ETFB: variants seen among roughly 807,000 people sequenced by gnomAD.
ETFB encodes the protein beta-ETF.
A neutral mutation model predicts 25.6 loss-of-function variants in ETFB; 20 were observed. That is an observed-to-expected ratio of 0.78 (90% CI 0.55 to 1.14). The LOEUF is 1.14. Ranked by LOEUF, ETFB falls within the 50% of genes most tolerant of loss-of-function variation. The probability of loss-of-function intolerance (pLI) is 0.00; values close to 1 mark genes in which losing one functional copy is unlikely to be tolerated. For synonymous variants in ETFB, 142 were observed against 146.7 expected, an observed-to-expected ratio of 0.97 and a Z score of 0.23; for missense variants, 286 against 342.6, an observed-to-expected ratio of 0.83 and a Z score of 1.30.
intron 3 of ETFB, among the ~76,000 whole-genome samples, chr19:51,352,072 T>C (rs1004624949): frequency 6.6e-6 from 1 of 151,960 alleles, no homozygotes. Context: ...GAGGGTCTCC[T>C]GGGGGAACAG....
At chr19:51,346,818 C>T (rs754178562) in intron 5 of ETFB, 82 bp downstream of exon 5, 52 of 1,381,116 alleles carry the variant, frequency 3.8e-5, no homozygotes, top group Non-Finnish European at 5.0e-5. Context: ...CTTCCCTCCC[C>T]ACGTGCGACC....
intron 1 of ETFB, among the ~76,000 whole-genome samples, chr19:51,358,081 A>G (rs1986127058): frequency 6.6e-6 from 1 of 152,234 alleles, no homozygotes; most frequent in East Asian, 1.9e-4. Flanking sequence ...AAAAGCCTCC[A>G]GGGACATCCA....
chr19:51,361,536 T>A (rs1251270341), intron 1 of ETFB, among the ~76,000 whole-genome samples: 2 of 152,086 alleles, frequency 1.3e-5, no homozygotes, highest in African/African-American at 4.8e-5. Context: ...GAGGAAAACC[T>A]GAAGAAACAC....
chr19:51,359,837 T>A (rs1215592234), intron 1 of ETFB, among the ~76,000 whole-genome samples: 2 of 151,576 alleles, frequency 1.3e-5, no homozygotes, highest in Non-Finnish European at 2.9e-5. Context: ...CTGGGCAACA[T>A]AGAGAGACTT....
chr19:51,345,412 T>A (rs1223549031), intron 5 of ETFB, 31 bp from the exon 6 acceptor site: 1 of 1,611,870 alleles, frequency 6.2e-7, no homozygotes, highest in Non-Finnish European at 8.5e-7. Context: ...TTCACAGGGC[T>A]GTGGAACTCC....
chr19:51,354,568 G>C (rs769799163), intron 1 of ETFB: 1 of 1,614,180 alleles, frequency 6.2e-7, no homozygotes, highest in Non-Finnish European at 8.5e-7. Flanking sequence ...TGTTGTCACT[G>C]CTCCTCTCAG....
chr19:51,345,271 G>T lies in ETFB; in HGVS notation c.708C>A (p.Gly236=), dbSNP rs749837573. 6.2e-7 allele frequency: 1 copy of T among 1,614,138 alleles called. No homozygotes were observed. Among genetic ancestry groups the T allele is most frequent in the African/African-American group, 1.3e-5 (1 of 75,028 alleles). ...SVEDPPQRTA[G]VKVETTEDLV... is the part of the protein sequence containing the mutation. ...GGTCCTCAGTGGTCTCCACCTTGAC[G>T]CCGGCCGTGCGCTGGGGCGGGTCCT... Residue 236 remains glycine, a synonymous_variant, in exon 6 of 6, where the codon GGC becomes GGA. Coordinates refer to ENST00000309244, the MANE Select transcript of ETFB (RefSeq NM_001985.3).
intron 4 of ETFB, 163 bp downstream of exon 4, chr19:51,350,166 C>A (rs760059591): frequency 1.3e-6 from 1 of 743,830 alleles, no homozygotes. Flanking sequence ...AGAGGTGATA[C>A]CTCAGCAGAG....
intron 5 of ETFB, 87 bp downstream of exon 5, chr19:51,346,813 C>A: frequency 7.4e-7 from 1 of 1,347,722 alleles, no homozygotes; most frequent in South Asian, 1.3e-5. Context: ...GGATCCTTCC[C>A]TCCCCACGTG....
At chr19:51,346,131 G>A (rs1985774342) in intron 5 of ETFB, 1 of 128,478 alleles carries the variant, frequency 7.8e-6, no homozygotes, top group Non-Finnish European at 1.7e-5. Context: ...CCTATAGGTT[G>A]AGATGATGCG....
chr19:51,362,162 TACACACAC>T (rs59581815), intron 1 of ETFB, among the ~76,000 whole-genome samples: 54,749 of 144,286 alleles, frequency 0.38, 11,525 homozygotes, highest in Non-Finnish European at 0.5. Context: ...CGGACACACA[TACACACAC>T]ACACACACAC....
chr19:51,350,418 A>G (rs1472576350), intron 3 of ETFB, 27 bp from the exon 4 acceptor site: 1 of 1,205,292 alleles, frequency 8.3e-7, no homozygotes, highest in Admixed American at 1.8e-5. Flanking sequence ...AGAAGACTGT[A>G]TGACAATCAG....
In ETFB at chr19:51,356,117, T is replaced by A. The variant is rs1190864590; in HGVS notation, c.58-1809A>T. The A allele has an allele frequency of 2.0e-5, 3 of 148,226 alleles. 1 individual carries two copies. Among genetic ancestry groups the A allele is most frequent in the African/African-American group, 5.2e-5 (2 of 38,442 alleles). 9.2% of individuals were successfully genotyped at this position (148,226 alleles called of 1,614,324 possible). A position where few individuals can be genotyped will look rare whatever the true frequency, so the allele number is the denominator to read the frequency against. The stretch of plus-strand genomic sequence containing the variant: ...TAATAAAAAATAAATAAATAAATAA[T>A]TTTTTAAAAAAAAAGCTTTTGGAAT... On this transcript the variant is annotated intron_variant, in intron 1 of 5. Transcript: ENST00000309244.
At chr19:51,358,556 TGGGA>T (rs1986138008) in intron 1 of ETFB, among the ~76,000 whole-genome samples, 1 of 152,074 alleles carries the variant, frequency 6.6e-6, no homozygotes, top group African/African-American at 2.4e-5. Context: ...CCCAGCACTT[TGGGA>T]GGCCAAGGTG....
chr19:51,363,689 T>C (rs1165959611), intron 1 of ETFB, among the ~76,000 whole-genome samples: 1 of 152,102 alleles, frequency 6.6e-6, no homozygotes, highest in African/African-American at 2.4e-5. Context: ...CCTCAACTGA[T>C]CCACTCGCCT....
chr19:51,354,709 G>A (rs1986033891), intron 1 of ETFB: 1 of 1,574,760 alleles, frequency 6.4e-7, no homozygotes, highest in South Asian at 1.1e-5. Context: ...GAGAAGAAAA[G>A]GAAAAACCAG....
intron 1 of ETFB, among the ~76,000 whole-genome samples, chr19:51,358,770 C>T (rs750115249): frequency 7.9e-5 from 12 of 151,656 alleles, no homozygotes; most frequent in South Asian, 4.2e-4. Flanking sequence ...GATTGCGCCA[C>T]GGCACTCCAG....
intron 1 of ETFB, among the ~76,000 whole-genome samples, chr19:51,358,497 A>G (rs1461284627): frequency 8.5e-5 from 12 of 141,780 alleles, no homozygotes; most frequent in Admixed American, 8.3e-4. Flanking sequence ...TCTACAAACA[A>G]CAACAACAAA....
At chr19:51,360,110 A>G (rs1261937079) in intron 1 of ETFB, among the ~76,000 whole-genome samples, 2 of 152,034 alleles carry the variant, frequency 1.3e-5, no homozygotes, top group Non-Finnish European at 2.9e-5. Context: ...AATATCAAAA[A>G]CAGCCTCAAA....
Sources: allele counts gnomAD v4.1 joint callset (sites outside exome capture counted in the v4.1 genomes callset), GRCh38; gene constraint gnomAD v4.1.1; transcripts MANE v1.5; gene names NCBI Gene and HGNC (gene_info 2026-07-23, HGNC 2026-07-21).